Variants in KDM7A observed in about 807,000 individuals in gnomAD.
The protein encoded by KDM7A is lysine-specific demethylase 7A.
In KDM7A, 28 loss-of-function variants were observed where a neutral mutation model predicts 114.8. The observed-to-expected ratio is 0.24, with a 90% CI of 0.18 to 0.33. KDM7A has a LOEUF of 0.33. KDM7A is among the 10% of genes least tolerant of loss of function. The pLI is 1.00. For missense variants in KDM7A, 942 were observed against 1,142.5 expected (o/e 0.82, Z 2.53); for synonymous variants, 423 against 397.8 (o/e 1.06, Z -0.75).
chr7:140,117,338 G>T (rs1021174563), intron 9 of KDM7A, among the ~76,000 whole-genome samples: 1 of 152,100 alleles, frequency 6.6e-6, no homozygotes, highest in Non-Finnish European at 1.5e-5. Context: ...TTGCTCCTGT[G>T]GCTTCACGAG....
chr7:140,092,173 C>A, intron 18 of KDM7A, 96 bp from the exon 19 acceptor site: 1 of 1,131,664 alleles, frequency 8.8e-7, no homozygotes, highest in Non-Finnish European at 1.3e-6. Flanking sequence ...AGAGAAGAAA[C>A]AAACTACTGA....
At chr7:140,100,071 C>T in intron 12 of KDM7A, 48 bp from the exon 13 acceptor site, 3 of 1,605,640 alleles carry the variant, frequency 1.9e-6, no homozygotes, top group Non-Finnish European at 2.6e-6. Context: ...CTCAGGTAGC[C>T]CTGTTCGACT....
At chr7:140,135,324 C>T (rs996186620) in intron 2 of KDM7A, among the ~76,000 whole-genome samples, 3 of 135,106 alleles carry the variant, frequency 2.2e-5, no homozygotes, top group Admixed American at 1.5e-4. Flanking sequence ...CTGCCTCAGC[C>T]TCCTGAGTAG....
chr7:140,114,199 G>A (rs766812089), intron 9 of KDM7A, among the ~76,000 whole-genome samples: 8 of 151,872 alleles, frequency 5.3e-5, no homozygotes, highest in Non-Finnish European at 8.8e-5. Flanking sequence ...CCCTTTCCAC[G>A]GTCTCCCTCT....
intron 1 of KDM7A, among the ~76,000 whole-genome samples, chr7:140,169,268 G>A (rs904918658): frequency 6.6e-6 from 1 of 152,160 alleles, no homozygotes; most frequent in Non-Finnish European, 1.5e-5. Context: ...GAAACTTGGT[G>A]GTAGTTGTTA....
Position 140,176,860 on chromosome 7 carries a change from G to T in KDM7A, c.78C>A (p.Pro26=). 7.8e-7 allele frequency: 1 copy of T among 1,282,398 alleles called. No individual in the cohort carries two copies. The highest frequency in any genetic ancestry group is 1.6e-5 in the African/African-American group (1 of 63,722). 79.4% of individuals were successfully genotyped at this position (1,282,398 alleles called of 1,614,324 possible). A position where few individuals can be genotyped will look rare whatever the true frequency, so the allele number is the denominator to read the frequency against. The change falls in exon 1 of 20, where the codon CCC becomes CCA. Residue 26 remains proline (P), a synonymous_variant. Transcript: ENST00000397560. The surrounding 1 kb of genome is among the most constrained non-coding windows in gnomAD (Gnocchi z 4.4). ...AAAAAVSVAA[P]GRASAPPPPP... ...GCGGCGGAGGCGCCGAGGCCCGGCC[G>T]GGAGCCGCCACCGACACGGCTGCCG...
chr7:140,149,074 C>T (rs1356477089), intron 1 of KDM7A, among the ~76,000 whole-genome samples: 2 of 152,094 alleles, frequency 1.3e-5, no homozygotes, highest in Non-Finnish European at 2.9e-5. Flanking sequence ...GAGTTATTTC[C>T]AACCAGCTGA....
At chr7:140,116,283 T>C (rs1818528732) in intron 9 of KDM7A, among the ~76,000 whole-genome samples, 1 of 151,636 alleles carries the variant, frequency 6.6e-6, no homozygotes, top group South Asian at 2.1e-4. Flanking sequence ...TATATCATAG[T>C]ATATTCATAC....
chr7:140,147,026 T>C (rs2107741), intron 1 of KDM7A, among the ~76,000 whole-genome samples: 95,828 of 151,814 alleles, frequency 0.63, 31,280 homozygotes, highest in African/African-American at 0.81. Flanking sequence ...CTTCACTGAA[T>C]GATCTTACAC....
At chr7:140,091,236 A>G in intron 19 of KDM7A, 48 bp from the exon 20 acceptor site, 1 of 1,281,716 alleles carries the variant, frequency 7.8e-7, no homozygotes, top group South Asian at 1.2e-5. Flanking sequence ...AAGTACACTT[A>G]AGAGAGCACC....
chr7:140,166,006 G>T (rs769591750), intron 1 of KDM7A, among the ~76,000 whole-genome samples: 1 of 152,180 alleles, frequency 6.6e-6, no homozygotes, highest in African/African-American at 2.4e-5. Context: ...GTACACTGTT[G>T]TAATGTTCTA....
At chr7:140,166,200 T>C (rs1794572899) in intron 1 of KDM7A, among the ~76,000 whole-genome samples, 1 of 152,166 alleles carries the variant, frequency 6.6e-6, no homozygotes, top group Non-Finnish European at 1.5e-5. Flanking sequence ...GACACACTAC[T>C]GTATATGCAT....
At chr7:140,162,029 A>C (rs62491431) in intron 1 of KDM7A, among the ~76,000 whole-genome samples, 2,815 of 152,170 alleles carry the variant, frequency 0.018, 34 homozygotes, top group Non-Finnish European at 0.029. Flanking sequence ...TGCACACATC[A>C]AACTGTTATA....
chr7:140,116,075 T>C (rs1818524673), intron 9 of KDM7A, among the ~76,000 whole-genome samples: 1 of 152,134 alleles, frequency 6.6e-6, no homozygotes, highest in South Asian at 2.1e-4. Context: ...TGCCCTGCCA[T>C]GGAAATGGGA....
intron 1 of KDM7A, among the ~76,000 whole-genome samples, chr7:140,175,937 C>T (rs1794700231): frequency 6.6e-6 from 1 of 152,098 alleles, no homozygotes; most frequent in South Asian, 2.1e-4. Flanking sequence ...TCCGGAGAAG[C>T]GTTCCCTTCG....
At position 140,096,635 on chromosome 7, in the gene KDM7A, G is replaced by A. The variant is rs961612713; in HGVS notation, c.2294C>T (p.Ser765Phe). ...ATGGCAGCTGCTGGGATCCTGGAGA[G>A]AGTTTCTTTCACCACTGCAGTCTGT... The part of the protein sequence containing the change: ...QSTDCSGERN[S>F]LQDPSSCHGS... The change falls in exon 17 of 20, where the codon TCT (serine) becomes TTT (phenylalanine). Residue 765 changes from serine (S) to phenylalanine (F), a missense_variant. By Grantham distance (155) the Ser-to-Phe change is radical (BLOSUM62 -2). This residue lies in a region of KDM7A where 512 missense variants were observed against 576.6 expected (regional missense o/e 0.89). Transcript: ENST00000397560. The A allele has an allele frequency of 1.9e-6, 3 of 1,613,986 alleles. No homozygotes were observed. Among genetic ancestry groups the A allele is most frequent in the East Asian group, 2.2e-5 (1 of 44,896 alleles).
At chr7:140,147,929 G>C (rs1794356288) in intron 1 of KDM7A, among the ~76,000 whole-genome samples, 1 of 152,192 alleles carries the variant, frequency 6.6e-6, no homozygotes, top group African/African-American at 2.4e-5. Context: ...TGAGGAGCAG[G>C]CGTTCCCCTG....
At position 140,090,811 on chromosome 7, in the gene KDM7A, C is replaced by T; in HGVS notation, c.*283G>A. The T allele has an allele frequency of 2.6e-6, 1 of 379,718 alleles. No individual in the cohort carries two copies. The highest frequency in any genetic ancestry group is 4.7e-6 in the Non-Finnish European group (1 of 211,826). 23.5% of individuals were successfully genotyped at this position (379,718 alleles called of 1,614,324 possible). A position where few individuals can be genotyped will look rare whatever the true frequency, so the allele number is the denominator to read the frequency against. ...CCACTGAAAATACATCAAGACACTACCAACAACAAAATAAAATTCAAGCCC... is the reference window on the plus strand; with the variant it reads ...CCACTGAAAATACATCAAGACACTATCAACAACAAAATAAAATTCAAGCCC... On this transcript the variant is annotated 3_prime_UTR_variant, in exon 20 of 20. Transcript: ENST00000397560.
chr7:140,119,706 G>A (rs530025144), intron 8 of KDM7A, among the ~76,000 whole-genome samples: 1 of 152,338 alleles, frequency 6.6e-6, no homozygotes, highest in East Asian at 1.9e-4. Context: ...ACACTTGGTA[G>A]GTGTGGGAGC....
Sources: gnomAD v4.1 joint callset for allele counts (sites outside exome capture counted in the v4.1 genomes callset) on GRCh38, gnomAD v4.1.1 for gene constraint, gnomAD v4.1.1 regional missense constraint, Gnocchi (gnomAD v3.1) non-coding constraint, MANE v1.5 for transcripts, NCBI Gene and HGNC (gene_info 2026-07-23, HGNC 2026-07-21) for gene names.